ITPR1: variants seen among roughly 807,000 people sequenced by gnomAD.
ITPR1 encodes inositol 1,4,5-trisphosphate receptor type 1, also known as inositol 1,4,5-trisphosphate-gated calcium channel ITPR1.
A neutral mutation model predicts 318.4 loss-of-function variants in ITPR1; 96 were observed. The ratio of observed to expected loss-of-function variants is 0.30; its 90% CI spans 0.26 to 0.36. The LOEUF is 0.36. Among genes scored for constraint, ITPR1 ranks in the 10% least tolerant of loss-of-function variants. ITPR1 has a pLI of 1.00. For missense variants in ITPR1, 2,440 were observed against 3,460.2 expected, an observed-to-expected ratio of 0.71 and a Z score of 7.40; for synonymous variants, 1,312 against 1,289.9, an observed-to-expected ratio of 1.02 and a Z score of -0.37.
At chr3:4,714,002 A>T (rs1001882611) in intron 39 of ITPR1, among the ~76,000 whole-genome samples, 1 of 152,178 alleles carries the variant, frequency 6.6e-6, no homozygotes, top group Admixed American at 6.5e-5. Flanking sequence ...CTACTTAGCC[A>T]TTCCTATTAA....
chr3:4,735,270 C>T lies in ITPR1; in HGVS notation c.5460C>T (p.Ile1820=). 5.6e-6 allele frequency: 9 copies of T among 1,613,972 alleles called. No individual in the cohort carries two copies. The highest frequency in any genetic ancestry group is 7.6e-6 in the Non-Finnish European group (9 of 1,179,854). ...EGASNLVIDL[I]MNASSDRVFH... ...CTTCCAATCTAGTTATCGACCTCAT[C>T]ATGAACGCATCCAGTGACCGAGTGT... Residue 1820 remains isoleucine (I), a synonymous_variant, in exon 44 of 62, where the codon ATC becomes ATT. Coordinates refer to ENST00000649015, the MANE Select transcript of ITPR1 (RefSeq NM_001378452.1).
At chr3:4,716,291 C>T (rs2041759856) in intron 39 of ITPR1, among the ~76,000 whole-genome samples, 2 of 152,222 alleles carry the variant, frequency 1.3e-5, no homozygotes, top group East Asian at 1.9e-4. Flanking sequence ...TCTTCAAGCC[C>T]CTAGACCCTG....
chr3:4,520,942 C>A, intron 3 of ITPR1, 82 bp from the exon 4 acceptor site: 4 of 1,022,718 alleles, frequency 3.9e-6, no homozygotes, highest in Non-Finnish European at 4.6e-6. Context: ...GCAGGAAAAG[C>A]CCTGGGATAT....
intron 54 of ITPR1, 26 bp downstream of exon 54, chr3:4,800,626 C>G: frequency 1.9e-6 from 3 of 1,609,526 alleles, no homozygotes; most frequent in Non-Finnish European, 1.7e-6. Flanking sequence ...TTCCTTGCCA[C>G]TGTTTTGTTT....
intron 56 of ITPR1, 143 bp downstream of exon 56, chr3:4,811,603 G>A (rs1393779714): frequency 4.7e-6 from 3 of 642,498 alleles, no homozygotes; most frequent in Non-Finnish European, 7.8e-6. Flanking sequence ...TTCAAATACA[G>A]GTCTTCATTC....
chr3:4,586,532 C>G (rs1473533662), intron 4 of ITPR1, among the ~76,000 whole-genome samples: 11 of 121,000 alleles, frequency 9.1e-5, no homozygotes, highest in Non-Finnish European at 1.3e-4. Context: ...TTTTTTGAGA[C>G]AAGGTCTTGC....
At chr3:4,759,963 C>T (rs372674415) in intron 44 of ITPR1, among the ~76,000 whole-genome samples, 32 of 152,324 alleles carry the variant, frequency 2.1e-4, no homozygotes, top group African/African-American at 7.0e-4. Flanking sequence ...TTCCTTAAAG[C>T]GTATCTGATC....
intron 40 of ITPR1, 53 bp from the exon 41 acceptor site, chr3:4,725,493 G>A (rs1018824655): frequency 2.8e-5 from 42 of 1,474,256 alleles, no homozygotes; most frequent in African/African-American, 1.4e-5. Flanking sequence ...CTTCTCTGTG[G>A]CCCACGAGAT....
chr3:4,775,153 T>C (rs2046410323), intron 46 of ITPR1, 89 bp from the exon 47 acceptor site: 1 of 940,332 alleles, frequency 1.1e-6, no homozygotes. Flanking sequence ...ATTACCAACC[T>C]ATTAGAGGCT....
At chr3:4,751,717 T>C (rs938625216) in intron 44 of ITPR1, 3 of 152,144 alleles carry the variant, frequency 2.0e-5, no homozygotes, top group African/African-American at 7.2e-5. Context: ...AATTTTTTTT[T>C]CCCCTCTGAG....
chr3:4,496,282 A>T (rs1410426197), intron 2 of ITPR1, among the ~76,000 whole-genome samples: 2 of 151,428 alleles, frequency 1.3e-5, no homozygotes, highest in African/African-American at 2.4e-5. Context: ...AGTTGTGCAG[A>T]CGTTTTTGTT....
chr3:4,721,139 T>A (rs1324309215), intron 40 of ITPR1, among the ~76,000 whole-genome samples: 1 of 142,966 alleles, frequency 7.0e-6, no homozygotes, highest in Non-Finnish European at 1.5e-5. Context: ...TATATATTTA[T>A]ATATGTCTGT....
intron 55 of ITPR1, among the ~76,000 whole-genome samples, chr3:4,810,281 C>G (rs373475223): frequency 1.6e-4 from 24 of 152,344 alleles, no homozygotes; most frequent in African/African-American, 4.8e-4. Flanking sequence ...ATGCTAAAAA[C>G]TAGCCTCAGG....
In ITPR1 at chr3:4,814,575, C is replaced by CG; in HGVS notation, c.7701+14dup. ...GCCGTCCAAAGAGGTAAATTAATCC[C>CG]GAGGGGAAGGAAGGGCAAAGGGGGC... On this transcript the variant is annotated intron_variant, in intron 58 of 61. Transcript: ENST00000649015. The CG allele has an allele frequency of 5.8e-6, 7 of 1,200,862 alleles. No homozygotes were observed. Among genetic ancestry groups the CG allele is most frequent in the Admixed American group, 2.0e-5 (1 of 49,372 alleles). 74.4% of individuals were successfully genotyped at this position (1,200,862 alleles called of 1,614,324 possible). A position where few individuals can be genotyped will look rare whatever the true frequency, so the allele number is the denominator to read the frequency against.
intron 5 of ITPR1, among the ~76,000 whole-genome samples, chr3:4,638,893 G>A (rs1234328030): frequency 6.6e-6 from 1 of 152,126 alleles, no homozygotes; most frequent in African/African-American, 2.4e-5. Context: ...GTGAGGTGCA[G>A]GTACCATCTG....
chr3:4,763,687 T>C (rs2045612320), intron 44 of ITPR1, among the ~76,000 whole-genome samples: 2 of 152,240 alleles, frequency 1.3e-5, no homozygotes, highest in Admixed American at 6.5e-5. Flanking sequence ...GAATCAGTAA[T>C]GCGAAACAAA....
intron 4 of ITPR1, among the ~76,000 whole-genome samples, chr3:4,624,063 A>G (rs2092734446): frequency 6.6e-6 from 1 of 152,202 alleles, no homozygotes; most frequent in Admixed American, 6.5e-5. Flanking sequence ...GAACAGTTGT[A>G]AAATGCTTTC....
intron 46 of ITPR1, among the ~76,000 whole-genome samples, chr3:4,772,458 AGCCTTGTTT>A (rs1273122219): frequency 2.0e-5 from 3 of 152,268 alleles, no homozygotes; most frequent in Non-Finnish European, 4.4e-5. Flanking sequence ...GCCTTAAGCA[AGCCTTGTTT>A]ACAGTGGTCA....
chr3:4,639,354 T>G (rs921668384), intron 5 of ITPR1, 30 bp from the exon 6 acceptor site: 7 of 1,509,132 alleles, frequency 4.6e-6, no homozygotes, highest in Non-Finnish European at 3.6e-6. Context: ...GGTTTCCTCT[T>G]TGTGATCAAT....
Sources: allele counts gnomAD v4.1 joint callset (sites outside exome capture counted in the v4.1 genomes callset), GRCh38; gene constraint gnomAD v4.1.1; transcripts MANE v1.5; gene names NCBI Gene and HGNC (gene_info 2026-07-23, HGNC 2026-07-21).